The following CACNA2D1 variants were observed in gnomAD, a reference collection of about 807,000 sequenced individuals.
The protein encoded by CACNA2D1 is calcium voltage-gated channel auxiliary subunit alpha2delta 1.
CACNA2D1 carries 53 observed loss-of-function variants against 171.5 expected under a neutral mutation model. That is an observed-to-expected ratio of 0.31 (90% CI 0.25 to 0.39). CACNA2D1 has a LOEUF of 0.39. Ranked by LOEUF, CACNA2D1 falls within the 10% of genes least tolerant of loss-of-function variation. CACNA2D1 has a pLI of 1.00. For synonymous variants in CACNA2D1, 442 were observed against 443.1 expected (o/e 1.00, Z 0.03); for missense variants, 903 against 1,299.8 (o/e 0.69, Z 4.69).
At chr7:82,426,267 T>C (rs951916519) in intron 1 of CACNA2D1, among the ~76,000 whole-genome samples, 11 of 152,134 alleles carry the variant, frequency 7.2e-5, no homozygotes, top group African/African-American at 2.7e-4. Flanking sequence ...CTGATTCACA[T>C]CTTTTTTGTA....
chr7:81,997,049 C>A, intron 19 of CACNA2D1, 130 bp downstream of exon 19: 2 of 698,964 alleles, frequency 2.9e-6, no homozygotes, highest in Non-Finnish European at 5.3e-6. Flanking sequence ...TGACAAAGAA[C>A]ATTCATCTTT....
intron 15 of CACNA2D1, among the ~76,000 whole-genome samples, chr7:82,011,145 T>C (rs2130917237): frequency 6.6e-6 from 1 of 152,238 alleles, no homozygotes; most frequent in East Asian, 1.9e-4. Context: ...CATTACAGGA[T>C]TGTTTAACAG....
chr7:82,425,024 G>A (rs1404343182), intron 1 of CACNA2D1, among the ~76,000 whole-genome samples: 2 of 152,160 alleles, frequency 1.3e-5, no homozygotes, highest in Non-Finnish European at 2.9e-5. Context: ...AGTGTGAGTG[G>A]GGACCATGAT....
intron 3 of CACNA2D1, among the ~76,000 whole-genome samples, chr7:82,262,440 G>C (rs944686965): frequency 6.6e-6 from 1 of 152,072 alleles, no homozygotes. Flanking sequence ...TTGGTCACTG[G>C]CTCCAGATAA....
intron 3 of CACNA2D1, among the ~76,000 whole-genome samples, chr7:82,265,614 C>G (rs1345409734): frequency 6.6e-6 from 1 of 152,044 alleles, no homozygotes; most frequent in African/African-American, 2.4e-5. Context: ...TTCTGAATAA[C>G]TACCTTTTAC....
At chr7:82,379,186 C>T (rs16887253) in intron 1 of CACNA2D1, among the ~76,000 whole-genome samples, 5,313 of 152,108 alleles carry the variant, frequency 0.035, 310 homozygotes, top group African/African-American at 0.12. Context: ...AATGTTTCCC[C>T]AACCATTAGC....
intron 12 of CACNA2D1, 94 bp downstream of exon 12, chr7:82,032,703 A>G (rs1802855622): frequency 7.5e-6 from 5 of 666,986 alleles, no homozygotes; most frequent in Admixed American, 2.4e-5. Context: ...CAGGTTTTAA[A>G]TCAAAAATTC....
At chr7:82,019,741 A>T (rs1800958739) in intron 12 of CACNA2D1, among the ~76,000 whole-genome samples, 1 of 152,214 alleles carries the variant, frequency 6.6e-6, no homozygotes, top group Non-Finnish European at 1.5e-5. Context: ...CTCAACAATT[A>T]TCAGTTACCC....
intron 3 of CACNA2D1, among the ~76,000 whole-genome samples, chr7:82,260,869 A>G (rs923409256): frequency 1.3e-5 from 2 of 152,200 alleles, no homozygotes; most frequent in Admixed American, 1.3e-4. Context: ...GGATTTTGCC[A>G]TATCTTTTAT....
At chr7:82,078,539 A>T (rs1435730269) in intron 7 of CACNA2D1, among the ~76,000 whole-genome samples, 1 of 152,174 alleles carries the variant, frequency 6.6e-6, no homozygotes, top group Non-Finnish European at 1.5e-5. Flanking sequence ...TTGCAAGATA[A>T]ACTGATTTTC....
chr7:82,190,523 A>G (rs1467599273), intron 3 of CACNA2D1, among the ~76,000 whole-genome samples: 12 of 151,750 alleles, frequency 7.9e-5, no homozygotes, highest in Non-Finnish European at 1.8e-4. Context: ...CATATATTCA[A>G]TTCCCAGAAA....
intron 11 of CACNA2D1, among the ~76,000 whole-genome samples, chr7:82,034,027 T>G (rs776400067): frequency 6.6e-6 from 1 of 152,132 alleles, no homozygotes; most frequent in Non-Finnish European, 1.5e-5. Flanking sequence ...ACATTAATCC[T>G]AATAATATAT....
chr7:81,950,449 A>G lies in CACNA2D1; in HGVS notation c.3219T>C (p.Ile1073=), dbSNP rs1191158299. ...GCCAAAGTAGTAGAAACTGGATTCC[A>G]ATGATATACCACAGGGAGGGATTTA... ...SGLNPSLWYI[I]GIQFLLLWLV... is the part of the protein sequence containing the mutation. Residue 1073 remains isoleucine (I), a synonymous_variant, in exon 39 of 39, where the codon ATT becomes ATC. Transcript: ENST00000356860. 2 of 1,613,286 alleles carry G rather than the reference A, an allele frequency of 1.2e-6. No homozygotes were observed. Among genetic ancestry groups the G allele is most frequent in the Non-Finnish European group, 1.7e-6 (2 of 1,179,626 alleles).
chr7:82,098,145 A>T (rs144941660), intron 6 of CACNA2D1, among the ~76,000 whole-genome samples: 3,366 of 152,174 alleles, frequency 0.022, 126 homozygotes, highest in African/African-American at 0.076. Context: ...TAAAAAAAAT[A>T]AAAAAATAAA....
chr7:82,131,419 C>G (rs1229814131), intron 5 of CACNA2D1, among the ~76,000 whole-genome samples: 1 of 152,186 alleles, frequency 6.6e-6, no homozygotes, highest in East Asian at 1.9e-4. Context: ...CTTCCTTTGT[C>G]TGTCTATAAA....
intron 10 of CACNA2D1, among the ~76,000 whole-genome samples, chr7:82,044,077 G>A (rs1002854491): frequency 6.6e-6 from 1 of 152,088 alleles, no homozygotes; most frequent in African/African-American, 2.4e-5. Flanking sequence ...ATGAGAAAGG[G>A]TCTTACTATT....
chr7:82,393,088 AGGCAGGCAGGC>A lies in CACNA2D1; in HGVS notation c.96-43450_96-43440del, dbSNP rs1563483278. Among the ~76,000 whole-genome samples, 215 of 101,104 alleles carry A rather than the reference AGGCAGGCAGGC, an allele frequency of 2.1e-3. 1 individual carries two copies. The highest frequency in any genetic ancestry group is 8.3e-3 in the African/African-American group (190 of 22,760). 66.3% of individuals were successfully genotyped at this position (101,104 alleles called of 152,430 possible). A position where few individuals can be genotyped will look rare whatever the true frequency, so the allele number is the denominator to read the frequency against. ...AAGGAAGGAAGGAAGGAAGGAAGGC[AGGCAGGCAGGC>A]AGGCAGGCAGGCAGGGAGGGAGGGA... On this transcript the variant is annotated intron_variant, in intron 1 of 38. Coordinates refer to ENST00000356860, the MANE Select transcript of CACNA2D1 (RefSeq NM_000722.4).
intron 20 of CACNA2D1, among the ~76,000 whole-genome samples, chr7:81,993,701 A>C (rs557191035): frequency 4.6e-5 from 7 of 152,290 alleles, no homozygotes; most frequent in Non-Finnish European, 7.4e-5. Context: ...CTGGAGTACA[A>C]GGCAATGTAG....
At chr7:82,166,804 T>C (rs1194745217) in intron 4 of CACNA2D1, among the ~76,000 whole-genome samples, 1 of 152,080 alleles carries the variant, frequency 6.6e-6, no homozygotes, top group Non-Finnish European at 1.5e-5. Flanking sequence ...ACATAAATCT[T>C]AATCCATTTA....
Sources: gnomAD v4.1 joint callset for allele counts (sites outside exome capture counted in the v4.1 genomes callset) on GRCh38, gnomAD v4.1.1 for gene constraint, MANE v1.5 for transcripts, NCBI Gene and HGNC (gene_info 2026-07-23, HGNC 2026-07-21) for gene names.